Variants in DLC1 observed in about 807,000 individuals in gnomAD.
DLC1 encodes rho GTPase-activating protein 7.
Under a neutral mutation model 140.3 loss-of-function variants are expected in DLC1, and 54 were observed. The observed-to-expected ratio is 0.38, with a 90% CI of 0.31 to 0.48. The LOEUF (loss-of-function observed/expected upper bound fraction) is 0.48, where lower values mean the gene tolerates loss of function less well. DLC1 is among the 20% of genes least tolerant of loss of function. DLC1 has a pLI of 0.96. For synonymous variants in DLC1, 986 were observed against 728.1 expected (o/e 1.35, Z -5.70); for missense variants, 2,536 against 1,907.0 (o/e 1.33, Z -6.14).
At chr8:13,580,917 C>T (rs1411332029) in intron 1 of DLC1, among the ~76,000 whole-genome samples, 1 of 152,114 alleles carries the variant, frequency 6.6e-6, no homozygotes, top group African/African-American at 2.4e-5. Flanking sequence ...TGGGTGAGGG[C>T]TCCCCAGCAT....
At chr8:13,541,663 C>A (rs541878234) in intron 1 of DLC1, among the ~76,000 whole-genome samples, 2 of 152,280 alleles carry the variant, frequency 1.3e-5, no homozygotes, top group Non-Finnish European at 2.9e-5. Context: ...CATTCTCCAG[C>A]CTCAGCCTCC....
intron 5 of DLC1, among the ~76,000 whole-genome samples, chr8:13,275,483 G>A (rs1247969414): frequency 2.0e-5 from 3 of 152,286 alleles, no homozygotes; most frequent in Admixed American, 1.3e-4. Flanking sequence ...GACTTAGAGA[G>A]CAAACAAGAA....
chr8:13,490,008 C>T (rs1305616154), intron 2 of DLC1, among the ~76,000 whole-genome samples: 1 of 150,584 alleles, frequency 6.6e-6, no homozygotes, highest in Non-Finnish European at 1.5e-5. Context: ...AGACTGTTTT[C>T]TCCATTTTCC....
At chr8:13,360,870 A>C (rs1835190374) in intron 4 of DLC1, among the ~76,000 whole-genome samples, 1 of 146,560 alleles carries the variant, frequency 6.8e-6, no homozygotes, top group Non-Finnish European at 1.5e-5. Context: ...CTCATGTTTT[A>C]TACACATTAT....
At position 13,405,793 on chromosome 8, in the gene DLC1, CTCT is replaced by C. The variant is rs974659779; in HGVS notation, c.1024-4177_1024-4175del. Among the ~76,000 whole-genome samples the C allele has an allele frequency of 4.0e-5, 6 of 151,606 alleles. No individual in the cohort carries two copies. The South Asian group carries it at 8.5e-4, about 21-fold the overall frequency. ...TGAAGTCGTCTTGCCCTCTTTTCTT[CTCT>C]TTTTTTCTCTTTTCTCATTCCTTCC... On this transcript the variant is annotated intron_variant, in intron 2 of 17. Transcript: ENST00000276297.
At chr8:13,502,044 C>T (rs1356087062) in intron 1 of DLC1, among the ~76,000 whole-genome samples, 1 of 152,060 alleles carries the variant, frequency 6.6e-6, no homozygotes, top group East Asian at 1.9e-4. Flanking sequence ...TTAAGTTGAG[C>T]CTGAATTCTG....
intron 2 of DLC1, among the ~76,000 whole-genome samples, chr8:13,473,790 G>C (rs1349576510): frequency 6.6e-6 from 1 of 152,174 alleles, no homozygotes; most frequent in African/African-American, 2.4e-5. Context: ...GAGATTTTTG[G>C]AACTTTGAAC....
At chr8:13,520,629 A>T (rs1196928027) in intron 1 of DLC1, among the ~76,000 whole-genome samples, 2 of 152,112 alleles carry the variant, frequency 1.3e-5, no homozygotes, top group Non-Finnish European at 1.5e-5. Flanking sequence ...AATTAAAAAA[A>T]GAAAAAAAGA....
chr8:13,293,191 C>A (rs867395878), intron 5 of DLC1, among the ~76,000 whole-genome samples: 1 of 152,198 alleles, frequency 6.6e-6, no homozygotes, highest in Non-Finnish European at 1.5e-5. Context: ...GATTGCACTA[C>A]TGCATTCCAG....
intron 5 of DLC1, among the ~76,000 whole-genome samples, chr8:13,186,191 G>T (rs1253307863): frequency 6.6e-6 from 1 of 152,130 alleles, no homozygotes; most frequent in Non-Finnish European, 1.5e-5. Context: ...TTGAATGTTG[G>T]CCTGCCTTGC....
chr8:13,434,844 G>A (rs993013491), intron 2 of DLC1, among the ~76,000 whole-genome samples: 17 of 151,900 alleles, frequency 1.1e-4, no homozygotes, highest in East Asian at 1.9e-4. Flanking sequence ...CACACCTGGC[G>A]AATTTTTGTA....
chr8:13,384,916 G>T (rs1351563320), intron 4 of DLC1, among the ~76,000 whole-genome samples: 2 of 141,206 alleles, frequency 1.4e-5, no homozygotes, highest in East Asian at 4.0e-4. Context: ...CTAGAGGCTG[G>T]ACATAAAAAA....
At chr8:13,151,775 G>T (rs1237496794) in intron 5 of DLC1, among the ~76,000 whole-genome samples, 1 of 152,164 alleles carries the variant, frequency 6.6e-6, no homozygotes, top group Non-Finnish European at 1.5e-5. Flanking sequence ...CTGAGTGTCT[G>T]AAGGACAGGG....
intron 5 of DLC1, among the ~76,000 whole-genome samples, chr8:13,177,819 T>TG (rs1173910211): frequency 6.6e-6 from 1 of 152,154 alleles, no homozygotes; most frequent in Non-Finnish European, 1.5e-5. Context: ...CTGAATCAGG[T>TG]GGAACTATTC....
intron 1 of DLC1, among the ~76,000 whole-genome samples, chr8:13,556,740 T>C (rs1417831901): frequency 1.3e-5 from 2 of 152,220 alleles, no homozygotes; most frequent in Non-Finnish European, 2.9e-5. Context: ...ATCACAGTGA[T>C]ACACAGTGCG....
At chr8:13,236,830 G>A (rs1182937600) in intron 5 of DLC1, among the ~76,000 whole-genome samples, 1 of 152,016 alleles carries the variant, frequency 6.6e-6, no homozygotes, top group Non-Finnish European at 1.5e-5. Flanking sequence ...ACTTGCCCAT[G>A]AGAAGTGTTC....
chr8:13,096,070 AGC>A (rs1818476440), intron 10 of DLC1: 1 of 152,298 alleles, frequency 6.6e-6, no homozygotes, highest in South Asian at 2.1e-4. Context: ...CAGGCTGTCA[AGC>A]AGAAATTCCA....
intron 1 of DLC1, among the ~76,000 whole-genome samples, chr8:13,572,640 C>T (rs1205127802): frequency 6.6e-6 from 1 of 152,010 alleles, no homozygotes; most frequent in Non-Finnish European, 1.5e-5. Flanking sequence ...GTATTTAATC[C>T]ATTTTGAGTT....
intron 1 of DLC1, among the ~76,000 whole-genome samples, chr8:13,540,068 C>G (rs1443031189): frequency 1.3e-5 from 2 of 152,110 alleles, no homozygotes; most frequent in African/African-American, 4.8e-5. Flanking sequence ...AACCTAGTCG[C>G]AAAAGACTTT....
Sources: gnomAD v4.1 joint callset for allele counts (sites outside exome capture counted in the v4.1 genomes callset) on GRCh38, gnomAD v4.1.1 for gene constraint, MANE v1.5 for transcripts, NCBI Gene and HGNC (gene_info 2026-07-23, HGNC 2026-07-21) for gene names.